The following TRDN variants were observed in gnomAD, a reference collection of about 807,000 sequenced individuals.
TRDN encodes triadin in skeletal muscle.
TRDN carries 161 observed loss-of-function variants against 149.7 expected under a neutral mutation model. The observed-to-expected ratio is 1.08, with a 90% CI of 0.95 to 1.23. The LOEUF is 1.23. Ranked by LOEUF, TRDN falls within the 50% of genes most tolerant of loss-of-function variation. The pLI, the probability that TRDN is intolerant of heterozygous loss-of-function variation, is 0.00. For missense variants in TRDN, 896 were observed against 823.5 expected (o/e 1.09, Z -1.08); for synonymous variants, 294 against 250.5 (o/e 1.17, Z -1.64).
chr6:123,562,348 A>G (rs1468765545), intron 2 of TRDN, among the ~76,000 whole-genome samples: 1 of 152,206 alleles, frequency 6.6e-6, no homozygotes, highest in Non-Finnish European at 1.5e-5. Context: ...GGACATGAGT[A>G]AAATGTGAAA....
chr6:123,292,612 C>A (rs756510355), intron 24 of TRDN, among the ~76,000 whole-genome samples: 17 of 152,096 alleles, frequency 1.1e-4, no homozygotes, highest in Non-Finnish European at 2.1e-4. Flanking sequence ...AAAGAAGAAT[C>A]CCCTGAAGAT....
At chr6:123,492,683 TGATAAA>T (rs1192682295) in intron 9 of TRDN, among the ~76,000 whole-genome samples, 1 of 152,136 alleles carries the variant, frequency 6.6e-6, no homozygotes, top group Non-Finnish European at 1.5e-5. Flanking sequence ...ACTGGAAGGT[TGATAAA>T]GATAAATAAA....
chr6:123,488,484 C>T (rs2114789067), intron 9 of TRDN, among the ~76,000 whole-genome samples: 1 of 152,164 alleles, frequency 6.6e-6, no homozygotes, highest in East Asian at 1.9e-4. Flanking sequence ...CTTAAGGTAT[C>T]CTTTTAGTTT....
chr6:123,406,906 G>T (rs1227879976), intron 12 of TRDN, among the ~76,000 whole-genome samples: 1 of 152,092 alleles, frequency 6.6e-6, no homozygotes, highest in Non-Finnish European at 1.5e-5. Flanking sequence ...CTGGTGGGTT[G>T]GCTGGTAGGG....
chr6:123,234,894 C>T (rs1194631531), intron 38 of TRDN, among the ~76,000 whole-genome samples: 1 of 151,966 alleles, frequency 6.6e-6, no homozygotes, highest in Admixed American at 6.6e-5. Flanking sequence ...ATTAAGTGTG[C>T]AAGGAGCAAA....
chr6:123,420,647 TATAAAA>T (rs1773858730), intron 12 of TRDN, among the ~76,000 whole-genome samples: 1 of 152,158 alleles, frequency 6.6e-6, no homozygotes, highest in Non-Finnish European at 1.5e-5. Flanking sequence ...TTTTGAAGGA[TATAAAA>T]CTAAAAATAC....
chr6:123,511,953 C>T (rs1348478914), intron 7 of TRDN, among the ~76,000 whole-genome samples: 4 of 151,836 alleles, frequency 2.6e-5, no homozygotes, highest in Non-Finnish European at 5.9e-5. Context: ...TCCAGGATAA[C>T]CTCCCTATTT....
intron 21 of TRDN, among the ~76,000 whole-genome samples, chr6:123,338,006 T>C (rs1779936819): frequency 6.6e-6 from 1 of 152,192 alleles, no homozygotes; most frequent in Admixed American, 6.6e-5. Flanking sequence ...TTCTCTACCA[T>C]TTTCTCATTC....
intron 20 of TRDN, among the ~76,000 whole-genome samples, chr6:123,363,411 A>G (rs1165438615): frequency 6.6e-6 from 1 of 152,198 alleles, no homozygotes; most frequent in African/African-American, 2.4e-5. Flanking sequence ...TAATTTGTCA[A>G]ATTGGTAAAA....
intron 38 of TRDN, among the ~76,000 whole-genome samples, chr6:123,227,715 G>A (rs1474385861): frequency 1.3e-5 from 2 of 149,586 alleles, no homozygotes; most frequent in African/African-American, 4.9e-5. Context: ...TATGAGGCAA[G>A]GACTTTTTTG....
chr6:123,569,368 A>G (rs1020886514), intron 2 of TRDN, among the ~76,000 whole-genome samples: 6 of 152,016 alleles, frequency 3.9e-5, no homozygotes, highest in African/African-American at 7.3e-5. Flanking sequence ...TCCTCTTCCT[A>G]TCTTCTTCTG....
chr6:123,350,685 A>G (rs1182489860), intron 21 of TRDN: 11 of 807,872 alleles, frequency 1.4e-5, no homozygotes, highest in African/African-American at 7.5e-5. Flanking sequence ...AAAATATGCA[A>G]AATATCCAAA....
chr6:123,501,527 C>A (rs1778699908), intron 8 of TRDN, among the ~76,000 whole-genome samples: 1 of 151,826 alleles, frequency 6.6e-6, no homozygotes, highest in African/African-American at 2.4e-5. Flanking sequence ...AATTAGTTTT[C>A]TTTAATTTAA....
At chr6:123,502,793 G>C (rs1214995221) in intron 8 of TRDN, 22 of 985,024 alleles carry the variant, frequency 2.2e-5, no homozygotes, top group Non-Finnish European at 2.5e-5. Flanking sequence ...AGAAAAATTT[G>C]GTTTTGCAAT....
At chr6:123,237,865 A>G (rs1019331698) in intron 38 of TRDN, among the ~76,000 whole-genome samples, 11 of 152,208 alleles carry the variant, frequency 7.2e-5, no homozygotes, top group African/African-American at 2.7e-4. Context: ...AACAAAGGCT[A>G]AGAGAACATA....
chr6:123,585,097 C>T (rs1037410202), intron 1 of TRDN, among the ~76,000 whole-genome samples: 20 of 150,902 alleles, frequency 1.3e-4, no homozygotes, highest in East Asian at 3.9e-4. Flanking sequence ...GGTGCATGAT[C>T]GGTTGCCAAG....
chr6:123,517,798 T>C (rs1166253873), intron 5 of TRDN, among the ~76,000 whole-genome samples: 2 of 152,160 alleles, frequency 1.3e-5, no homozygotes, highest in African/African-American at 2.4e-5. Flanking sequence ...CCTCCTTCTC[T>C]GTAACATTTT....
intron 2 of TRDN, among the ~76,000 whole-genome samples, chr6:123,554,297 G>A (rs7738709): frequency 0.032 from 4,842 of 152,174 alleles, 107 homozygotes; most frequent in African/African-American, 0.066. Context: ...GCTAAGCAAA[G>A]CAGAGATTTC....
chr6:123,288,476 C>A (rs779053706), intron 24 of TRDN, among the ~76,000 whole-genome samples: 11 of 151,988 alleles, frequency 7.2e-5, no homozygotes, highest in Non-Finnish European at 1.6e-4. Flanking sequence ...ATTGGTAAAT[C>A]ATACTTCTGA....
Sources: allele counts gnomAD v4.1 joint callset (sites outside exome capture counted in the v4.1 genomes callset), GRCh38; gene constraint gnomAD v4.1.1; transcripts MANE v1.5; gene names NCBI Gene and HGNC (gene_info 2026-07-23, HGNC 2026-07-21).